Variants in PTH2R observed in about 807,000 individuals in gnomAD.
PTH2R encodes PTH2 receptor.
Under a neutral mutation model 60.3 loss-of-function variants are expected in PTH2R, and 59 were observed. The ratio of observed to expected loss-of-function variants is 0.98; its 90% confidence interval spans 0.79 to 1.22. PTH2R has a LOEUF of 1.22. Among genes scored for constraint, PTH2R ranks in the 50% most tolerant of loss-of-function variants. The pLI is 0.00. For missense variants in PTH2R, 749 were observed against 682.6 expected (o/e 1.10, Z -1.08); for synonymous variants, 256 against 243.8 (o/e 1.05, Z -0.47).
intron 10 of PTH2R, among the ~76,000 whole-genome samples, chr2:208,482,813 G>A (rs754760192): frequency 8.5e-5 from 13 of 152,056 alleles, no homozygotes; most frequent in African/African-American, 2.4e-4. Flanking sequence ...CCCCCCATGC[G>A]TCCGTTTATA....
At chr2:208,490,820 T>C (rs1480562115) in intron 12 of PTH2R, 140 bp downstream of exon 12, 1 of 820,324 alleles carries the variant, frequency 1.2e-6, no homozygotes, top group African/African-American at 1.7e-5. Flanking sequence ...TCATAAATTA[T>C]TTTGGAAAAG....
chr2:208,453,695 G>A (rs1312570306), intron 8 of PTH2R, among the ~76,000 whole-genome samples: 2 of 152,146 alleles, frequency 1.3e-5, no homozygotes, highest in East Asian at 1.9e-4. Flanking sequence ...GAGTTATAAG[G>A]AGGTGTGGTT....
chr2:208,417,393 G>A (rs1189588782), intron 1 of PTH2R, among the ~76,000 whole-genome samples: 1 of 152,000 alleles, frequency 6.6e-6, no homozygotes. Flanking sequence ...TTTTTCTCTT[G>A]GAGGCAATCT....
chr2:208,422,934 A>G (rs180925320), intron 1 of PTH2R, among the ~76,000 whole-genome samples: 148 of 152,108 alleles, frequency 9.7e-4, no homozygotes, highest in African/African-American at 3.4e-3. Flanking sequence ...CCTGGCAACC[A>G]CTATCTCCTT....
Position 208,472,250 on chromosome 2 carries a change from A to G in PTH2R, c.982-8820A>G, listed in dbSNP as rs550583649. Among the ~76,000 whole-genome samples the G allele has an allele frequency of 2.2e-4, 34 of 152,296 alleles. No homozygotes were observed. In the East Asian group the frequency reaches 5.2e-3, roughly 23 times the overall value. On this transcript the variant is annotated intron_variant, in intron 9 of 12. Coordinates refer to ENST00000272847, the MANE Select transcript of PTH2R (RefSeq NM_005048.4). Reference sequence around the variant, plus strand: ...GTGATTGCTTTTGAAATGTGAGGACATGAGATTTGGGAGAGTCCAGGGGTG... The same window carrying G: ...GTGATTGCTTTTGAAATGTGAGGACGTGAGATTTGGGAGAGTCCAGGGGTG...
At chr2:208,469,526 CA>C (rs1246505818) in intron 9 of PTH2R, among the ~76,000 whole-genome samples, 1 of 152,064 alleles carries the variant, frequency 6.6e-6, no homozygotes, top group Non-Finnish European at 1.5e-5. Context: ...GAAGTCATGT[CA>C]AGATAACTGA....
intron 9 of PTH2R, among the ~76,000 whole-genome samples, chr2:208,473,621 C>G (rs536255082): frequency 2.0e-5 from 3 of 152,278 alleles, no homozygotes; most frequent in East Asian, 1.9e-4. Context: ...CTTACTAGCT[C>G]TGTCTTCCCT....
intron 1 of PTH2R, among the ~76,000 whole-genome samples, chr2:208,379,052 AAC>A (rs1473997577): frequency 2.6e-5 from 4 of 152,144 alleles, no homozygotes; most frequent in Non-Finnish European, 5.9e-5. Context: ...TAGCTAGTGA[AAC>A]ACATGTTCTC....
rs1559235159 is a variant in PTH2R at position 208,489,030 on chromosome 2, A to G, written c.1095A>G (p.Thr365=). The change falls in exon 11 of 13, where the codon ACA becomes ACG. Residue 365 remains threonine, a synonymous_variant. Coordinates refer to ENST00000272847, the MANE Select transcript of PTH2R (RefSeq NM_005048.4). ...RKQYRKLAKS[T]LVLVLVFGVH... Reference sequence around the variant, plus strand: ...CCTTTAGGAAACTGGCCAAATCGACACTGGTCCTGGTCCTAGTCTTTGGAG... The same window carrying G: ...CCTTTAGGAAACTGGCCAAATCGACGCTGGTCCTGGTCCTAGTCTTTGGAG... 3 of 1,613,818 alleles carry G rather than the reference A, an allele frequency of 1.9e-6. No individual in the cohort carries two copies. The highest frequency in any genetic ancestry group is 2.7e-5 in the African/African-American group (2 of 74,832).
At chr2:208,362,959 C>T (rs1187364902) in intron 1 of PTH2R, among the ~76,000 whole-genome samples, 3 of 152,052 alleles carry the variant, frequency 2.0e-5, no homozygotes, top group Non-Finnish European at 4.4e-5. Flanking sequence ...CTTCCATATG[C>T]TTGTTGGTCA....
intron 1 of PTH2R, among the ~76,000 whole-genome samples, chr2:208,380,688 TGTAG>T (rs1700896482): frequency 6.6e-6 from 1 of 152,092 alleles, no homozygotes; most frequent in South Asian, 2.1e-4. Flanking sequence ...AGGCCTCAGA[TGTAG>T]GTCTCTTTCT....
intron 4 of PTH2R, among the ~76,000 whole-genome samples, chr2:208,439,278 A>T (rs1357498398): frequency 6.6e-6 from 1 of 152,134 alleles, no homozygotes; most frequent in East Asian, 1.9e-4. Context: ...TTTATGTAAA[A>T]TGATTTAAAA....
rs968086060 is a variant in PTH2R at position 208,395,110 on chromosome 2, C to T, written c.-258-33091C>T. 1.6e-4 allele frequency among the ~76,000 whole-genome samples: 25 copies of T among 151,592 alleles called. 1 individual carries two copies. Among genetic ancestry groups the T allele is most frequent in the African/African-American group, 1.7e-4 (7 of 41,220 alleles). On this transcript the variant is annotated intron_variant, in intron 1 of 12. Coordinates refer to the PTH2R transcript ENST00000617735. ...TTGCCCAGGCTGGAGTGCAGTGGCG[C>T]GATCTCAGCTCACTGCAAGCTCCAC...
intron 1 of PTH2R, among the ~76,000 whole-genome samples, chr2:208,380,729 T>C (rs1286873064): frequency 6.6e-6 from 1 of 152,004 alleles, no homozygotes; most frequent in Non-Finnish European, 1.5e-5. Context: ...TGTTGTGGAG[T>C]GTGTCTGTCC....
chr2:208,378,369 G>A (rs1700850092), intron 1 of PTH2R, among the ~76,000 whole-genome samples: 1 of 152,096 alleles, frequency 6.6e-6, no homozygotes. Context: ...CGTGGAAAGA[G>A]AGGGAGAGGG....
intron 1 of PTH2R, among the ~76,000 whole-genome samples, chr2:208,426,202 T>A (rs1219655440): frequency 6.6e-6 from 1 of 152,220 alleles, no homozygotes; most frequent in African/African-American, 2.4e-5. Flanking sequence ...ATTACCAAAG[T>A]AGGGCTTCTC....
chr2:208,460,049 C>A, intron 9 of PTH2R, 88 bp downstream of exon 9: 1 of 1,102,490 alleles, frequency 9.1e-7, no homozygotes, highest in Non-Finnish European at 1.4e-6. Context: ...TCACTGCATT[C>A]TACAACAGAT....
At chr2:208,469,088 T>C (rs149413020) in intron 9 of PTH2R, among the ~76,000 whole-genome samples, 69 of 152,346 alleles carry the variant, frequency 4.5e-4, no homozygotes, top group African/African-American at 1.6e-3. Flanking sequence ...ACTAGTATGA[T>C]GAAACAGACT....
rs191459707 is a variant in PTH2R, at chr2:208,360,255, C to T, written c.-259+18C>T. 5.3e-4 allele frequency: 228 copies of T among 433,050 alleles called. 4 individuals are homozygous for T. The East Asian group carries it at 0.015, about 29-fold the overall frequency. 26.8% of individuals were successfully genotyped at this position (433,050 alleles called of 1,614,324 possible). ...TTGAACAGGTAAGAAGAGCGCCCCA[C>T]TTGTTCTCCCGCCTTCTGCGTGAGC... On this transcript the variant is annotated intron_variant, in intron 1 of 12. Transcript: ENST00000617735.
Sources: gnomAD v4.1 joint callset for allele counts (sites outside exome capture counted in the v4.1 genomes callset) on GRCh38, gnomAD v4.1.1 for gene constraint, MANE v1.5 for transcripts, NCBI Gene and HGNC (gene_info 2026-07-23, HGNC 2026-07-21) for gene names.